GALNT2: variants seen among roughly 807,000 people sequenced by gnomAD.
GALNT2 encodes the protein polypeptide N-acetylgalactosaminyltransferase 2.
Under a neutral mutation model 81.4 loss-of-function variants are expected in GALNT2, and 31 were observed. The ratio of observed to expected loss-of-function variants is 0.38; its 90% CI spans 0.29 to 0.51. GALNT2 has a LOEUF of 0.51. Among genes scored for constraint, GALNT2 ranks in the 20% least tolerant of loss-of-function variants. GALNT2 has a pLI of 0.87. For missense variants in GALNT2, 629 were observed against 765.7 expected, an observed-to-expected ratio of 0.82 and a Z score of 2.11; for synonymous variants, 303 against 287.4, an observed-to-expected ratio of 1.05 and a Z score of -0.55.
chr1:230,238,878 C>T (rs948002889), intron 6 of GALNT2, among the ~76,000 whole-genome samples: 10 of 151,986 alleles, frequency 6.6e-5, no homozygotes, highest in Non-Finnish European at 1.5e-4. Flanking sequence ...AAAGTGTGCC[C>T]TTCTATTTTA....
chr1:230,194,799 A>T (rs1663635729), intron 2 of GALNT2, among the ~76,000 whole-genome samples: 2 of 152,246 alleles, frequency 1.3e-5, no homozygotes, highest in Admixed American at 6.5e-5. Flanking sequence ...TGCACTGCTT[A>T]GCAGCTTCCG....
chr1:230,262,880 T>G, intron 12 of GALNT2, 42 bp from the exon 13 acceptor site: 1 of 1,574,650 alleles, frequency 6.4e-7, no homozygotes, highest in Non-Finnish European at 8.7e-7. Flanking sequence ...AGCCCATCTA[T>G]TCTTAAAATT....
intron 1 of GALNT2, among the ~76,000 whole-genome samples, chr1:230,144,349 A>G (rs551430941): frequency 1.3e-5 from 2 of 152,330 alleles, no homozygotes; most frequent in East Asian, 3.9e-4. Flanking sequence ...GCCTGAAACC[A>G]AGAAAGACTA....
chr1:230,072,721 T>G (rs1659413611), intron 1 of GALNT2, among the ~76,000 whole-genome samples: 1 of 152,200 alleles, frequency 6.6e-6, no homozygotes, highest in African/African-American at 2.4e-5. Context: ...TTAAATATGC[T>G]CTGCCTTGAG....
chr1:230,230,468 G>A (rs906580113), intron 3 of GALNT2, among the ~76,000 whole-genome samples: 5 of 152,152 alleles, frequency 3.3e-5, no homozygotes, highest in Non-Finnish European at 5.9e-5. Flanking sequence ...GCAGTTAGAC[G>A]TAGCTGCTGT....
intron 2 of GALNT2, among the ~76,000 whole-genome samples, chr1:230,185,832 G>A (rs901611891): frequency 6.6e-6 from 1 of 152,148 alleles, no homozygotes. Flanking sequence ...GGTCCCCCTG[G>A]AGTTTTTAAT....
intron 1 of GALNT2, among the ~76,000 whole-genome samples, chr1:230,133,069 C>G (rs780509287): frequency 1.6e-4 from 25 of 152,096 alleles, no homozygotes; most frequent in Non-Finnish European, 2.9e-4. Context: ...TGGTTTTTTT[C>G]CCTGCCTTGA....
chr1:230,267,698 A>G (rs1240675258), intron 14 of GALNT2, among the ~76,000 whole-genome samples: 2 of 152,118 alleles, frequency 1.3e-5, no homozygotes, highest in Non-Finnish European at 2.9e-5. Flanking sequence ...ATACAGGGGG[A>G]GGGAAGAACA....
At chr1:230,269,790 A>G (rs897276623) in intron 14 of GALNT2, among the ~76,000 whole-genome samples, 7 of 151,998 alleles carry the variant, frequency 4.6e-5, no homozygotes, top group South Asian at 2.1e-4. Flanking sequence ...CAAGCTACTC[A>G]GGAGGCTGAG....
At chr1:230,114,188 C>G (rs1250582306) in intron 1 of GALNT2, among the ~76,000 whole-genome samples, 1 of 152,174 alleles carries the variant, frequency 6.6e-6, no homozygotes, top group Non-Finnish European at 1.5e-5. Flanking sequence ...AGTGATTCCT[C>G]TGGCCACATT....
At position 230,245,594 on chromosome 1, in the gene GALNT2, A is replaced by T. The variant is rs548499175; in HGVS notation, c.730-469A>T. Among the ~76,000 whole-genome samples, 9 of 152,170 alleles carry T rather than the reference A, an allele frequency of 5.9e-5. No homozygotes were observed. The South Asian group carries it at 1.5e-3, about 25-fold the overall frequency. ...TATTGATACTTACCACATCTCTCTC[A>T]CACACACACACTCCCACATAGAAAT... On this transcript the variant is annotated intron_variant, in intron 7 of 15. Transcript: ENST00000366672.
At chr1:230,278,487 G>T (rs913214605) in intron 15 of GALNT2, among the ~76,000 whole-genome samples, 3 of 152,122 alleles carry the variant, frequency 2.0e-5, no homozygotes, top group African/African-American at 7.2e-5. Context: ...AGGCTGGGTT[G>T]TGCACTTTGA....
At chr1:230,136,397 G>C (rs536505603) in intron 1 of GALNT2, among the ~76,000 whole-genome samples, 91 of 152,260 alleles carry the variant, frequency 6.0e-4, no homozygotes, top group African/African-American at 1.9e-3. Flanking sequence ...GTTCCTGGTG[G>C]CCTGAGTTGT....
intron 2 of GALNT2, among the ~76,000 whole-genome samples, chr1:230,201,692 C>A (rs1033129868): frequency 2.4e-4 from 36 of 152,218 alleles, no homozygotes; most frequent in African/African-American, 8.2e-4. Context: ...CCCTCTCCAA[C>A]CTTGGCTCTG....
At chr1:230,138,748 A>G (rs1202686286) in intron 1 of GALNT2, among the ~76,000 whole-genome samples, 2 of 152,162 alleles carry the variant, frequency 1.3e-5, no homozygotes, top group African/African-American at 4.8e-5. Flanking sequence ...TGACGTTGCC[A>G]TGGCATTTGT....
At chr1:230,116,524 G>A (rs1437195978) in intron 1 of GALNT2, among the ~76,000 whole-genome samples, 1 of 152,114 alleles carries the variant, frequency 6.6e-6, no homozygotes, top group Non-Finnish European at 1.5e-5. Context: ...CACTGTGCCT[G>A]GCCACAAAAT....
At chr1:230,245,937 AG>A (rs1459498752) in intron 7 of GALNT2, 125 bp from the exon 8 acceptor site, 2 of 756,756 alleles carry the variant, frequency 2.6e-6, no homozygotes, top group Non-Finnish European at 4.7e-6. Flanking sequence ...TTGAGGGCCT[AG>A]GGTAGTAGGT....
At chr1:230,227,833 G>GT (rs560047492) in intron 3 of GALNT2, among the ~76,000 whole-genome samples, 60 of 152,206 alleles carry the variant, frequency 3.9e-4, no homozygotes, top group African/African-American at 1.3e-3. Context: ...AGGCAAGGTT[G>GT]TTTTTTACCA....
rs377450733 is a variant in GALNT2 at position 230,117,933 on chromosome 1, A to G, written c.126+50527A>G. ...CAAGATATACGTGTCTGATGAAAGC[A>G]TCCGCCTCACTCTGTTCTGGGCAGT... On this transcript the variant is annotated intron_variant, in intron 1 of 15. Coordinates refer to ENST00000366672, the MANE Select transcript of GALNT2 (RefSeq NM_004481.5). Among the ~76,000 whole-genome samples, 30 of 152,304 alleles carry G rather than the reference A, an allele frequency of 2.0e-4. 1 individual carries two copies. In the South Asian group the frequency reaches 6.2e-3, roughly 32 times the overall value.
Sources: gnomAD v4.1 joint callset for allele counts (sites outside exome capture counted in the v4.1 genomes callset) on GRCh38, gnomAD v4.1.1 for gene constraint, MANE v1.5 for transcripts, NCBI Gene and HGNC (gene_info 2026-07-23, HGNC 2026-07-21) for gene names.